STRIP2: variants seen among roughly 807,000 people sequenced by gnomAD.
The protein encoded by STRIP2 is striatin interacting protein 2.
A neutral mutation model predicts 107.1 loss-of-function variants in STRIP2; 84 were observed. The ratio of observed to expected loss-of-function variants is 0.78; its 90% CI spans 0.66 to 0.94. The LOEUF (loss-of-function observed/expected upper bound fraction) is 0.94, where lower values mean the gene tolerates loss of function less well. Ranked by LOEUF, STRIP2 falls within the 40% of genes least tolerant of loss-of-function variation. The pLI, the probability that STRIP2 is intolerant of heterozygous loss-of-function variation, is 0.00. For synonymous variants in STRIP2, 394 were observed against 400.4 expected, an observed-to-expected ratio of 0.98 and a Z score of 0.19; for missense variants, 888 against 1,034.2, an observed-to-expected ratio of 0.86 and a Z score of 1.94.
chr7:129,476,921 C>T (rs1798971115), intron 18 of STRIP2, among the ~76,000 whole-genome samples: 1 of 151,642 alleles, frequency 6.6e-6, no homozygotes, highest in Admixed American at 6.6e-5. Flanking sequence ...GTCTGCAATC[C>T]CGGCACCTCG....
At chr7:129,453,368 G>A (rs1007559017) in intron 5 of STRIP2, 21 bp downstream of exon 5, 2 of 1,613,620 alleles carry the variant, frequency 1.2e-6, no homozygotes, top group Non-Finnish European at 1.7e-6. Context: ...TTAGGGGAAG[G>A]GCTGGCCTAC....
chr7:129,470,222 A>C (rs534710687), intron 17 of STRIP2, among the ~76,000 whole-genome samples: 1 of 152,306 alleles, frequency 6.6e-6, no homozygotes, highest in South Asian at 2.1e-4. Context: ...ATCTGGTGAG[A>C]GACACAGGAG....
chr7:129,456,619 C>G lies in STRIP2; in HGVS notation c.1015C>G (p.Arg339Gly). Residue 339 changes from arginine to glycine, a missense_variant, in exon 9 of 21, where the codon CGA becomes GGA. Coordinates refer to ENST00000249344, the MANE Select transcript of STRIP2 (RefSeq NM_020704.3). ...GCTGGCACCCCCACCCTCCAAGCTG[C>G]GAGGCCGCCGTGGCTCTCGAAGGGT... ...SQLAPPPSKL[R>G]GRRGSRRQLL... The G allele has an allele frequency of 1.9e-6, 3 of 1,613,962 alleles. No individual in the cohort carries two copies. Among genetic ancestry groups the G allele is most frequent in the Non-Finnish European group, 2.5e-6 (3 of 1,179,968 alleles).
intron 18 of STRIP2, among the ~76,000 whole-genome samples, chr7:129,474,987 C>T (rs770506399): frequency 6.6e-6 from 1 of 152,128 alleles, no homozygotes; most frequent in Admixed American, 6.5e-5. Context: ...GCCATCTTCA[C>T]CAATATACTA....
chr7:129,483,357 T>C lies in STRIP2; in HGVS notation c.2254+311T>C. 9.7e-7 allele frequency: 1 copy of C among 1,031,778 alleles called. No homozygotes were observed. The highest frequency in any genetic ancestry group is 1.2e-6 in the Non-Finnish European group (1 of 833,782). 63.9% of individuals were successfully genotyped at this position (1,031,778 alleles called of 1,614,324 possible). On this transcript the variant is annotated intron_variant, in intron 20 of 20. Coordinates refer to ENST00000249344, the MANE Select transcript of STRIP2 (RefSeq NM_020704.3). This position sits in a 1 kb window ranked among gnomAD's most constrained non-coding sequence, Gnocchi z 5.1. ...AAAGATTTAAATTAAAACAACTTTTTATTATTACAAAGCAGTTAGAAAAAA... is the reference window on the plus strand; with the variant it reads ...AAAGATTTAAATTAAAACAACTTTTCATTATTACAAAGCAGTTAGAAAAAA...
At chr7:129,444,003 G>A (rs1797970721) in intron 2 of STRIP2, 21 bp from the exon 3 acceptor site, 2 of 1,597,584 alleles carry the variant, frequency 1.3e-6, no homozygotes, top group Non-Finnish European at 1.7e-6. Context: ...GAATGTGACT[G>A]TTCTGTCTTT....
In STRIP2 at chr7:129,487,989, A is replaced by G. The variant is rs1175157345; in HGVS notation, c.*2160A>G. On this transcript the variant is annotated 3_prime_UTR_variant, in exon 21 of 21. Coordinates refer to ENST00000249344, the MANE Select transcript of STRIP2 (RefSeq NM_020704.3). ...ACTAAGGATAAATGATTAGTTTCCAATCACATCATTTTTTTCCACAGACTT... is the reference window on the plus strand; with the variant it reads ...ACTAAGGATAAATGATTAGTTTCCAGTCACATCATTTTTTTCCACAGACTT... The G allele has an allele frequency of 6.6e-6, 1 of 152,206 alleles. No individual in the cohort carries two copies. Among genetic ancestry groups the G allele is most frequent in the Non-Finnish European group, 1.5e-5 (1 of 68,036 alleles). 9.4% of individuals were successfully genotyped at this position (152,206 alleles called of 1,614,324 possible).
At position 129,450,305 on chromosome 7, in the gene STRIP2, C is replaced by G. The variant is rs551542774; in HGVS notation, c.275-1308C>G. ...ATATATATATTAACCTTCACACCCT[C>G]CATAACCATGTAGCCTTTCCTTCTT... is the stretch of plus-strand genomic sequence containing the variant. On this transcript the variant is annotated intron_variant, in intron 3 of 20. Transcript: ENST00000249344. Among the ~76,000 whole-genome samples the G allele has an allele frequency of 3.9e-5, 6 of 152,290 alleles. 1 individual carries two copies. The highest frequency in any genetic ancestry group is 1.2e-4 in the African/African-American group (5 of 41,554).
chr7:129,465,710 C>G (rs1020141078), intron 16 of STRIP2, among the ~76,000 whole-genome samples: 3 of 152,126 alleles, frequency 2.0e-5, no homozygotes, highest in African/African-American at 7.2e-5. Flanking sequence ...CATTGTTTGC[C>G]ATGCTAAGGA....
chr7:129,437,669 TACCTATCAG>T (rs941248604), intron 1 of STRIP2, among the ~76,000 whole-genome samples: 13 of 152,140 alleles, frequency 8.5e-5, no homozygotes, highest in African/African-American at 2.7e-4. Flanking sequence ...TTAAAGTCCT[TACCTATCAG>T]AATAAAACAG....
intron 9 of STRIP2, 65 bp downstream of exon 9, chr7:129,456,707 C>T (rs1798366734): frequency 1.4e-6 from 2 of 1,451,984 alleles, no homozygotes; most frequent in East Asian, 2.4e-5. Flanking sequence ...TTCTAAGTTA[C>T]TCTGGGTGTG....
chr7:129,483,192 C>CA lies in STRIP2; in HGVS notation c.2254+149dup. 6.9e-7 allele frequency: 1 copy of CA among 1,441,058 alleles called. No individual in the cohort carries two copies. 89.3% of individuals were successfully genotyped at this position (1,441,058 alleles called of 1,614,324 possible). On this transcript the variant is annotated intron_variant, in intron 20 of 20. Transcript: ENST00000249344. This position sits in a 1 kb window ranked among gnomAD's most constrained non-coding sequence, Gnocchi z 5.1. ...GATTATAGGTCAGGCGCTGATACAC[C>CA]AAACTTTAAGGTTATGCCTCAAATT...
rs1320835748 is a variant in STRIP2 at position 129,456,143 on chromosome 7, TTTTTTTC to T, written c.835-289_835-283del. On this transcript the variant is annotated intron_variant, in intron 8 of 20. Transcript: ENST00000249344. ...TTCCTTAAAAAAGTCGATAGTTTCT[TTTTTTTC>T]TTTTTTTTTTTTTTTGAGGAGGCCC... is the stretch of plus-strand genomic sequence containing the variant. Among the ~76,000 whole-genome samples the T allele has an allele frequency of 2.5e-3, 253 of 103,130 alleles. 4 individuals are homozygous for T. The highest frequency in any genetic ancestry group is 6.4e-3 in the Admixed American group (60 of 9,328). The allele number at this position is 103,130 out of a possible 152,430, so 67.7% of individuals were successfully genotyped here.
At chr7:129,453,122 T>A in intron 4 of STRIP2, 105 bp from the exon 5 acceptor site, 1 of 1,487,562 alleles carries the variant, frequency 6.7e-7, no homozygotes, top group Non-Finnish European at 9.1e-7. Flanking sequence ...TCAGCCTAAT[T>A]ATTAGGCAGA....
chr7:129,474,544 C>T (rs749450318), intron 18 of STRIP2, among the ~76,000 whole-genome samples: 15 of 151,664 alleles, frequency 9.9e-5, no homozygotes, highest in Non-Finnish European at 2.1e-4. Flanking sequence ...TTTTTTGAGA[C>T]AGTCGCCCAG....
intron 3 of STRIP2, among the ~76,000 whole-genome samples, chr7:129,449,298 G>A (rs1202597311): frequency 6.6e-6 from 1 of 152,142 alleles, no homozygotes; most frequent in African/African-American, 2.4e-5. Context: ...TTCTTTTTGA[G>A]TGTAGCACAC....
rs1797676379 is a variant in STRIP2 at position 129,434,576 on chromosome 7, T to A, written c.104T>A (p.Phe35Tyr). 2 of 1,514,892 alleles carry A rather than the reference T, an allele frequency of 1.3e-6. No homozygotes were observed. The highest frequency in any genetic ancestry group is 1.8e-6 in the Non-Finnish European group (2 of 1,137,860). The allele number at this position is 1,514,892 out of a possible 1,614,324, so 93.8% of individuals were successfully genotyped here. A position where few individuals can be genotyped will look rare whatever the true frequency, so the allele number is the denominator to read the frequency against. Residue 35 changes from phenylalanine to tyrosine, a missense_variant, in exon 1 of 21, where the codon TTC becomes TAC. Physicochemically the swap from Phe to Tyr is conservative, Grantham distance 22 (BLOSUM62 3). Coordinates refer to ENST00000249344, the MANE Select transcript of STRIP2 (RefSeq NM_020704.3). The part of the protein sequence containing the change: ...KQAAPKGREA[F>Y]RSQRRESEGS... ...GCGGCGCCCAAGGGCCGCGAAGCGT[T>A]CCGAAGCCAGCGGCGGGAGTCAGAG...
At chr7:129,441,806 G>A (rs36064596) in intron 2 of STRIP2, among the ~76,000 whole-genome samples, 33,482 of 152,100 alleles carry the variant, frequency 0.22, 4,206 homozygotes, top group Non-Finnish European at 0.28. Context: ...TGTAGAAACA[G>A]AGTCTCACCA....
chr7:129,437,448 A>G (rs1006752722), intron 1 of STRIP2, among the ~76,000 whole-genome samples: 30 of 151,894 alleles, frequency 2.0e-4, no homozygotes, highest in African/African-American at 7.0e-4. Flanking sequence ...AAAAAAAAAG[A>G]AAAGAAAGAG....
Sources: allele counts gnomAD v4.1 joint callset (sites outside exome capture counted in the v4.1 genomes callset), GRCh38; gene constraint gnomAD v4.1.1; non-coding constraint Gnocchi (gnomAD v3.1); transcripts MANE v1.5; gene names NCBI Gene and HGNC (gene_info 2026-07-23, HGNC 2026-07-21).